Variants in GOLM2 observed in about 807,000 individuals in gnomAD.
GOLM2 encodes protein GOLM2.
In GOLM2, 26 loss-of-function variants were observed where a neutral mutation model predicts 55.9. That is an observed-to-expected ratio of 0.47 (90% CI 0.34 to 0.65). GOLM2 has a LOEUF of 0.65. Among genes scored for constraint, GOLM2 ranks in the 30% least tolerant of loss-of-function variants. The probability of loss-of-function intolerance (pLI) is 0.01; values close to 1 mark genes in which losing one functional copy is unlikely to be tolerated. For synonymous variants in GOLM2, 165 were observed against 194.6 expected (o/e 0.85, Z 1.27); for missense variants, 486 against 531.8 (o/e 0.91, Z 0.85).
intron 6 of GOLM2, among the ~76,000 whole-genome samples, chr15:44,370,908 C>T (rs1211534541): frequency 1.3e-5 from 2 of 152,258 alleles, no homozygotes; most frequent in East Asian, 3.9e-4. Flanking sequence ...TGATCTCCCA[C>T]CTTGGCCTCC....
chr15:44,402,790 C>A, intron 8 of GOLM2, 97 bp from the exon 9 acceptor site: 2 of 1,254,228 alleles, frequency 1.6e-6, no homozygotes, highest in Non-Finnish European at 2.2e-6. Flanking sequence ...CCAAAAGTTG[C>A]CAGCTTTCAC....
At chr15:44,399,944 G>A (rs2079553727) in intron 8 of GOLM2, among the ~76,000 whole-genome samples, 1 of 148,666 alleles carries the variant, frequency 6.7e-6, no homozygotes, top group Non-Finnish European at 1.5e-5. Context: ...GCAGTGAGCT[G>A]ATATCAGGCC....
At chr15:44,351,303 G>A (rs1275467840) in intron 6 of GOLM2, among the ~76,000 whole-genome samples, 2 of 152,100 alleles carry the variant, frequency 1.3e-5, no homozygotes, top group African/African-American at 4.8e-5. Context: ...GTGGCCAGGT[G>A]TGGTGGCTCA....
rs117087918 is a variant in GOLM2 at position 44,354,245 on chromosome 15, A to G, written c.802+15928A>G. ...AGATAGACCATAAAACGGGAATTGAACAATGAGAACACATGGACACAGGAA... is the reference window on the plus strand; with the variant it reads ...AGATAGACCATAAAACGGGAATTGAGCAATGAGAACACATGGACACAGGAA... On this transcript the variant is annotated intron_variant, in intron 6 of 9. Coordinates refer to ENST00000299957, the MANE Select transcript of GOLM2 (RefSeq NM_138423.4). 6.1e-4 allele frequency among the ~76,000 whole-genome samples: 91 copies of G among 148,550 alleles called. 3 individuals carry two copies. The East Asian group carries it at 0.019, about 30-fold the overall frequency.
intron 1 of GOLM2, among the ~76,000 whole-genome samples, chr15:44,299,065 A>ACCAGAAG (rs1219151033): frequency 6.6e-6 from 1 of 152,192 alleles, no homozygotes; most frequent in Non-Finnish European, 1.5e-5. Flanking sequence ...GCCCAGGGCT[A>ACCAGAAG]CCAGAAGCCA....
chr15:44,338,362 C>G, intron 6 of GOLM2, 45 bp downstream of exon 6: 1 of 1,387,064 alleles, frequency 7.2e-7, no homozygotes, highest in Non-Finnish European at 1.0e-6. Flanking sequence ...GATGATAATA[C>G]ATTTCATGTG....
chr15:44,300,142 A>T (rs533255383), intron 1 of GOLM2, among the ~76,000 whole-genome samples: 4 of 135,604 alleles, frequency 2.9e-5, no homozygotes, highest in African/African-American at 1.1e-4. Context: ...AGAGGAGAGG[A>T]GGGGAGGGGA....
chr15:44,344,497 A>G (rs2079110466), intron 6 of GOLM2, among the ~76,000 whole-genome samples: 2 of 151,902 alleles, frequency 1.3e-5, no homozygotes, highest in Non-Finnish European at 2.9e-5. Context: ...CTTGACCTGG[A>G]TACTTACCTA....
At chr15:44,378,297 C>T (rs1390125919) in intron 6 of GOLM2, among the ~76,000 whole-genome samples, 5 of 151,236 alleles carry the variant, frequency 3.3e-5, no homozygotes, top group Middle Eastern at 3.4e-3. Context: ...CCTCGTGAGC[C>T]GCCCGCCTCG....
chr15:44,333,451 T>C (rs1219057246), intron 4 of GOLM2, among the ~76,000 whole-genome samples: 2 of 152,220 alleles, frequency 1.3e-5, no homozygotes, highest in Non-Finnish European at 2.9e-5. Flanking sequence ...TTTCTCCATT[T>C]CATTTTTTGA....
In GOLM2 at chr15:44,395,236, C is replaced by A. The variant is rs554865185; in HGVS notation, c.1073-7651C>A. 9.7e-4 allele frequency among the ~76,000 whole-genome samples: 146 copies of A among 150,752 alleles called. No individual in the cohort carries two copies. In the East Asian group the frequency reaches 0.027, roughly 28 times the overall value. On this transcript the variant is annotated intron_variant, in intron 8 of 9. Coordinates refer to ENST00000299957, the MANE Select transcript of GOLM2 (RefSeq NM_138423.4). ...AGGGTTTCACTGTGGTCTCGATTTC[C>A]TGACCTCGTGATCCGCCCGCCTCAG...
intron 6 of GOLM2, among the ~76,000 whole-genome samples, chr15:44,354,247 A>G (rs984324115): frequency 2.7e-5 from 4 of 146,960 alleles, no homozygotes; most frequent in Admixed American, 6.8e-5. Flanking sequence ...GGAATTGAAC[A>G]ATGAGAACAC....
chr15:44,311,534 G>GA (rs1346309168), intron 1 of GOLM2, among the ~76,000 whole-genome samples: 1 of 152,094 alleles, frequency 6.6e-6, no homozygotes, highest in Admixed American at 6.5e-5. Flanking sequence ...AAGGAGTGGG[G>GA]AGAGACAGTC....
Position 44,353,160 on chromosome 15 carries a change from G to T in GOLM2, c.802+14843G>T, listed in dbSNP as rs149855392. 2.6e-5 allele frequency among the ~76,000 whole-genome samples: 4 copies of T among 152,304 alleles called. No individual in the cohort carries two copies. In the East Asian group the frequency reaches 7.7e-4, roughly 29 times the overall value. On this transcript the variant is annotated intron_variant, in intron 6 of 9. Coordinates refer to ENST00000299957, the MANE Select transcript of GOLM2 (RefSeq NM_138423.4). ...GTGCTCAATATCATTGGTCATCAAAGAACCATAAATCAAAACTATAATGAG... is the reference window on the plus strand; with the variant it reads ...GTGCTCAATATCATTGGTCATCAAATAACCATAAATCAAAACTATAATGAG...
At chr15:44,368,225 C>G (rs1201752502) in intron 6 of GOLM2, among the ~76,000 whole-genome samples, 1 of 151,710 alleles carries the variant, frequency 6.6e-6, no homozygotes, top group Non-Finnish European at 1.5e-5. Flanking sequence ...GCAACCTTCA[C>G]CTCCCGGGTT....
At chr15:44,395,508 T>C (rs2079519722) in intron 8 of GOLM2, among the ~76,000 whole-genome samples, 1 of 151,946 alleles carries the variant, frequency 6.6e-6, no homozygotes, top group African/African-American at 2.4e-5. Flanking sequence ...CTGGTTTTTT[T>C]TTTTGAACGT....
At chr15:44,390,000 G>A (rs1338078047) in intron 8 of GOLM2, 1 of 152,030 alleles carries the variant, frequency 6.6e-6, no homozygotes, top group Non-Finnish European at 1.5e-5. Context: ...TTTTTTGGCA[G>A]CTTTAACTTT....
intron 8 of GOLM2, among the ~76,000 whole-genome samples, chr15:44,386,004 A>G (rs942685135): frequency 2.0e-5 from 3 of 152,126 alleles, no homozygotes; most frequent in Non-Finnish European, 4.4e-5. Context: ...TTCATTCTTG[A>G]TAGTGTCCTT....
At chr15:44,391,156 C>G (rs576662403) in intron 8 of GOLM2, among the ~76,000 whole-genome samples, 1 of 152,244 alleles carries the variant, frequency 6.6e-6, no homozygotes, top group African/African-American at 2.4e-5. Context: ...AGCTTGATTA[C>G]TAATTCAGGG....
Sources: gnomAD v4.1 joint callset for allele counts (sites outside exome capture counted in the v4.1 genomes callset) on GRCh38, gnomAD v4.1.1 for gene constraint, MANE v1.5 for transcripts, NCBI Gene and HGNC (gene_info 2026-07-23, HGNC 2026-07-21) for gene names.